SGCZ: variants seen among roughly 807,000 people sequenced by gnomAD.
SGCZ encodes zeta-sarcoglycan.
Under a neutral mutation model 41.3 loss-of-function variants are expected in SGCZ, and 40 were observed. The ratio of observed to expected loss-of-function variants is 0.97; its 90% CI spans 0.75 to 1.26. The LOEUF (loss-of-function observed/expected upper bound fraction) is 1.26. Among genes scored for constraint, SGCZ ranks in the 50% most tolerant of loss-of-function variants. The pLI, the probability that SGCZ is intolerant of heterozygous loss-of-function variation, is 0.00. For missense variants in SGCZ, 552 were observed against 369.8 expected (o/e 1.49, Z -4.04); for synonymous variants, 206 against 137.5 (o/e 1.50, Z -3.49).
At chr8:14,324,879 G>A (rs564131858) in intron 2 of SGCZ, among the ~76,000 whole-genome samples, 1 of 152,234 alleles carries the variant, frequency 6.6e-6, no homozygotes, top group African/African-American at 2.4e-5. Flanking sequence ...GATTGACTAC[G>A]ATAAAGTTGT....
chr8:14,794,797 G>C (rs563879678), intron 1 of SGCZ, among the ~76,000 whole-genome samples: 1 of 152,138 alleles, frequency 6.6e-6, no homozygotes, highest in Non-Finnish European at 1.5e-5. Context: ...GGACAAATCT[G>C]ATCATATTCA....
intron 5 of SGCZ, among the ~76,000 whole-genome samples, chr8:14,110,472 G>A (rs2117008983): frequency 6.6e-6 from 1 of 152,218 alleles, no homozygotes; most frequent in Non-Finnish European, 1.5e-5. Context: ...ATTAAAAACT[G>A]ATAGAGGTCT....
intron 1 of SGCZ, among the ~76,000 whole-genome samples, chr8:14,611,449 G>A (rs1585123776): frequency 6.6e-6 from 1 of 152,056 alleles, no homozygotes; most frequent in Admixed American, 6.5e-5. Flanking sequence ...GTATCAGAGT[G>A]GCTTTAAATT....
intron 5 of SGCZ, among the ~76,000 whole-genome samples, chr8:14,124,165 A>C (rs1307287029): frequency 6.6e-6 from 1 of 152,222 alleles, no homozygotes; most frequent in African/African-American, 2.4e-5. Flanking sequence ...TAAGCTGCTA[A>C]ATTTTTAGTA....
At chr8:15,186,888 T>C (rs918548042) in intron 1 of SGCZ, among the ~76,000 whole-genome samples, 9 of 152,164 alleles carry the variant, frequency 5.9e-5, no homozygotes, top group Admixed American at 5.9e-4. Flanking sequence ...TTATTGGCTT[T>C]ATTGACTAGT....
At chr8:14,857,646 T>C (rs950555334) in intron 1 of SGCZ, among the ~76,000 whole-genome samples, 5 of 152,182 alleles carry the variant, frequency 3.3e-5, no homozygotes, top group Middle Eastern at 3.4e-3. Flanking sequence ...GGTGGATTGC[T>C]TGAGGTCAGG....
At chr8:14,685,739 T>C (rs113344862) in intron 1 of SGCZ, among the ~76,000 whole-genome samples, 49 of 152,264 alleles carry the variant, frequency 3.2e-4, no homozygotes, top group African/African-American at 1.1e-3. Flanking sequence ...GTAAAATGTA[T>C]GATTTAATTT....
intron 1 of SGCZ, among the ~76,000 whole-genome samples, chr8:14,845,511 C>A (rs933856087): frequency 1.3e-5 from 2 of 151,978 alleles, no homozygotes; most frequent in African/African-American, 4.8e-5. Context: ...AGATGGCTTA[C>A]AATAAGTAGA....
intron 2 of SGCZ, among the ~76,000 whole-genome samples, chr8:14,514,060 T>C (rs1802541189): frequency 6.6e-6 from 1 of 152,124 alleles, no homozygotes; most frequent in Non-Finnish European, 1.5e-5. Flanking sequence ...CTGTAGGAGT[T>C]GCATTGGTGA....
intron 2 of SGCZ, among the ~76,000 whole-genome samples, chr8:14,335,813 G>C (rs968122351): frequency 1.4e-4 from 21 of 152,196 alleles, no homozygotes; most frequent in Non-Finnish European, 2.5e-4. Flanking sequence ...ATTTGTTTGT[G>C]TGTCAGCTTG....
At chr8:15,048,178 C>A (rs960115058) in intron 1 of SGCZ, among the ~76,000 whole-genome samples, 1 of 151,996 alleles carries the variant, frequency 6.6e-6, no homozygotes, top group Non-Finnish European at 1.5e-5. Context: ...TCATTTGCAG[C>A]AACATTGATA....
intron 1 of SGCZ, among the ~76,000 whole-genome samples, chr8:14,858,934 G>C (rs1389483525): frequency 1.3e-5 from 2 of 151,850 alleles, no homozygotes; most frequent in Non-Finnish European, 2.9e-5. Flanking sequence ...GTTTTTCTTT[G>C]GCAACAAATA....
chr8:14,197,025 A>T (rs1183713590), intron 4 of SGCZ, among the ~76,000 whole-genome samples: 10 of 152,174 alleles, frequency 6.6e-5, no homozygotes, highest in Non-Finnish European at 1.5e-5. Flanking sequence ...TCAAAATTGG[A>T]TTGTGGTAAT....
At chr8:15,109,849 C>T (rs1053587467) in intron 1 of SGCZ, among the ~76,000 whole-genome samples, 1 of 152,066 alleles carries the variant, frequency 6.6e-6, no homozygotes, top group African/African-American at 2.4e-5. Flanking sequence ...ACAGCATTAT[C>T]ATTTATATGC....
At chr8:14,926,675 T>A (rs1277151873) in intron 1 of SGCZ, among the ~76,000 whole-genome samples, 1 of 152,060 alleles carries the variant, frequency 6.6e-6, no homozygotes, top group Non-Finnish European at 1.5e-5. Context: ...ACAGTCTCGC[T>A]CTGTTGCCAG....
At chr8:14,164,773 T>C (rs1243098811) in intron 4 of SGCZ, 71 bp from the exon 5 acceptor site, 2 of 1,555,184 alleles carry the variant, frequency 1.3e-6, no homozygotes, top group Admixed American at 1.9e-5. Flanking sequence ...TTTTTGGAAA[T>C]AGACTAGAAA....
At chr8:14,514,893 C>A (rs546761840) in intron 2 of SGCZ, among the ~76,000 whole-genome samples, 52 of 150,036 alleles carry the variant, frequency 3.5e-4, no homozygotes, top group Non-Finnish European at 7.0e-4. Context: ...TACTTTATTT[C>A]CATTTGTTCT....
Position 14,425,914 on chromosome 8 carries a change from GA to G in SGCZ, c.235-101711del, listed in dbSNP as rs552405202. Among the ~76,000 whole-genome samples the G allele has an allele frequency of 3.0e-3, 464 of 152,150 alleles. 3 individuals carry two copies. The highest frequency in any genetic ancestry group is 0.01 in the Middle Eastern group (3 of 292). ...ATTAAAGAAGGTTCAGGGAAGTAAAGAAAAAATGGAAAAGGCAGCTAAAGAA... is the reference window on the plus strand; with the variant it reads ...ATTAAAGAAGGTTCAGGGAAGTAAAGAAAAATGGAAAAGGCAGCTAAAGAA... On this transcript the variant is annotated intron_variant, in intron 2 of 7. Transcript: ENST00000382080.
intron 1 of SGCZ, among the ~76,000 whole-genome samples, chr8:15,057,102 T>C (rs1336220658): frequency 6.6e-6 from 1 of 152,182 alleles, no homozygotes; most frequent in African/African-American, 2.4e-5. Context: ...TGTTCCCCGA[T>C]TACCACTGTG....
Sources: gnomAD v4.1 joint callset for allele counts (sites outside exome capture counted in the v4.1 genomes callset) on GRCh38, gnomAD v4.1.1 for gene constraint, MANE v1.5 for transcripts, NCBI Gene and HGNC (gene_info 2026-07-23, HGNC 2026-07-21) for gene names.